GRK4: variants seen among roughly 807,000 people sequenced by gnomAD.
The protein encoded by GRK4 is G protein-coupled receptor kinase 2-like.
GRK4 carries 73 observed loss-of-function variants against 77.9 expected under a neutral mutation model. That is an observed-to-expected ratio of 0.94 (90% CI 0.78 to 1.14). GRK4 has a LOEUF of 1.14. Among genes scored for constraint, GRK4 ranks in the 50% most tolerant of loss-of-function variants. The probability of loss-of-function intolerance (pLI) is 0.00; values close to 1 mark genes in which losing one functional copy is unlikely to be tolerated. For synonymous variants in GRK4, 257 were observed against 254.4 expected, an observed-to-expected ratio of 1.01 and a Z score of -0.10; for missense variants, 729 against 700.2, an observed-to-expected ratio of 1.04 and a Z score of -0.46.
intron 1 of GRK4, among the ~76,000 whole-genome samples, chr4:2,976,740 G>A (rs1453449904): frequency 6.7e-6 from 1 of 149,932 alleles, no homozygotes; most frequent in Non-Finnish European, 1.5e-5. Context: ...TCCAGGTTCA[G>A]GTGATTCTCC....
chr4:2,973,909 C>T (rs1720346676), intron 1 of GRK4, among the ~76,000 whole-genome samples: 1 of 152,230 alleles, frequency 6.6e-6, no homozygotes, highest in African/African-American at 2.4e-5. Flanking sequence ...CTCATCCGCC[C>T]TCTCTCACTC....
chr4:3,002,830 A>G (rs1439013529), intron 4 of GRK4, among the ~76,000 whole-genome samples: 1 of 152,192 alleles, frequency 6.6e-6, no homozygotes, highest in Non-Finnish European at 1.5e-5. Flanking sequence ...CTCCAAAAAA[A>G]CCACAAAACT....
chr4:3,019,676 C>T lies in GRK4; in HGVS notation c.777C>T (p.Ala259=). Residue 259 remains alanine (A), a synonymous_variant, in exon 9 of 16, where the codon GCC becomes GCT. Transcript: ENST00000398052. ...SLAYAYETKD[A]LCLVLTIMNG... ...CCTACGCTTATGAAACCAAAGATGC[C>T]TTGTGCTTGGTGCTCACCATTATGA... 1 of 1,613,938 alleles carries T rather than the reference C, an allele frequency of 6.2e-7. No homozygotes were observed. Among genetic ancestry groups the T allele is most frequent in the African/African-American group, 1.3e-5 (1 of 75,020 alleles).
rs1717501158 is a variant in GRK4 at position 2,965,883 on chromosome 4, C to T, written c.52+1761C>T. On this transcript the variant is annotated intron_variant, in intron 1 of 15. Coordinates refer to ENST00000398052, the MANE Select transcript of GRK4 (RefSeq NM_182982.3). Reference sequence around the variant, plus strand: ...GCCTCTTATCCCTGACTGTGAACTCCAAATAGGTCATGGAAAATAATCATC... The same window carrying T: ...GCCTCTTATCCCTGACTGTGAACTCTAAATAGGTCATGGAAAATAATCATC... The T allele has an allele frequency of 2.5e-5, 5 of 202,096 alleles. No homozygotes were observed. The South Asian group carries it at 3.4e-4, about 14-fold the overall frequency. The allele number at this position is 202,096 out of a possible 1,614,324, so 12.5% of individuals were successfully genotyped here.
chr4:2,998,793 A>T (rs1434473739), intron 4 of GRK4, among the ~76,000 whole-genome samples: 1 of 152,126 alleles, frequency 6.6e-6, no homozygotes, highest in African/African-American at 2.4e-5. Context: ...CCCCAAATTG[A>T]TCTATAGATT....
rs1166370241 is a variant in GRK4, at chr4:2,984,515, G to A, written c.55G>A (p.Gly19Arg). 2.5e-6 allele frequency: 4 copies of A among 1,605,062 alleles called. No homozygotes were observed. Among genetic ancestry groups the A allele is most frequent in the Non-Finnish European group, 3.4e-6 (4 of 1,172,762 alleles). ...NSLLLKARQGGYGKKSGRSKK... is the reference protein window; with the variant it reads ...NSLLLKARQGRYGKKSGRSKK... The stretch of plus-strand genomic sequence containing the variant: ...TGCCTTTTTTCTCCCAAATTCAGGA[G>A]GATATGGCAAAAAAAGTGGTCGTAG... The change falls in exon 2 of 16, where the codon GGA (glycine) becomes AGA (arginine). Residue 19 changes from glycine (G) to arginine (R), a missense_variant and splice_region_variant. By Grantham distance (125) the Gly-to-Arg change is moderately radical (BLOSUM62 -2). Transcript: ENST00000398052.
chr4:3,040,025 T>A (rs2110110637), intron 15 of GRK4, among the ~76,000 whole-genome samples: 1 of 152,344 alleles, frequency 6.6e-6, no homozygotes, highest in Middle Eastern at 3.4e-3. Flanking sequence ...GTGACATTCA[T>A]GCCTCAGCCA....
At chr4:3,001,796 CTTATG>C (rs931125185) in intron 4 of GRK4, among the ~76,000 whole-genome samples, 2 of 152,180 alleles carry the variant, frequency 1.3e-5, no homozygotes, top group Non-Finnish European at 2.9e-5. Flanking sequence ...TATCTTTCAA[CTTATG>C]TTAGGAAATA....
chr4:3,011,262 A>G (rs971790184), intron 7 of GRK4, among the ~76,000 whole-genome samples: 1 of 152,118 alleles, frequency 6.6e-6, no homozygotes. Flanking sequence ...TATAATAGGG[A>G]CATGTTAGCA....
chr4:2,989,621 C>T (rs147728064), intron 3 of GRK4, among the ~76,000 whole-genome samples: 57 of 152,188 alleles, frequency 3.7e-4, no homozygotes, highest in Non-Finnish European at 5.9e-4. Context: ...AGTGCTTGTT[C>T]GGCTACCAGA....
intron 1 of GRK4, chr4:2,965,376 C>T (rs1397699043): frequency 1.3e-5 from 9 of 703,066 alleles, no homozygotes; most frequent in Non-Finnish European, 1.8e-5. Flanking sequence ...GGCGACAGAG[C>T]CTCGGACCTC....
intron 3 of GRK4, among the ~76,000 whole-genome samples, chr4:2,991,610 A>C (rs1726201100): frequency 6.6e-6 from 1 of 152,186 alleles, no homozygotes; most frequent in African/African-American, 2.4e-5. Flanking sequence ...TCCTGGGTCC[A>C]GGCAATTCTT....
At chr4:3,002,744 T>C (rs1300107530) in intron 4 of GRK4, among the ~76,000 whole-genome samples, 1 of 152,092 alleles carries the variant, frequency 6.6e-6, no homozygotes, top group East Asian at 1.9e-4. Flanking sequence ...CCATAGTCCC[T>C]GCTACTTGGG....
intron 6 of GRK4, 129 bp downstream of exon 6, chr4:3,007,957 C>A (rs1578210836): frequency 5.1e-6 from 3 of 583,884 alleles, no homozygotes; most frequent in Non-Finnish European, 6.0e-6. Context: ...ACGGGATGAT[C>A]AAGCCTGTGA....
In GRK4 at chr4:3,022,458, G is replaced by A. The variant is rs563049463; in HGVS notation, c.970+7G>A. On this transcript the variant is annotated splice_region_variant and intron_variant, in intron 10 of 15. Transcript: ENST00000398052. The stretch of plus-strand genomic sequence containing the variant: ...ATTCTCCTTGATGATCGTGGTAAGT[G>A]GGCAAGCCTTTCACATCTAATGGGT... The A allele has an allele frequency of 6.2e-7, 1 of 1,613,588 alleles. No homozygotes were observed. Among genetic ancestry groups the A allele is most frequent in the African/African-American group, 1.3e-5 (1 of 75,004 alleles).
chr4:3,006,066 G>A (rs1366087967), intron 5 of GRK4, among the ~76,000 whole-genome samples: 2 of 151,896 alleles, frequency 1.3e-5, no homozygotes, highest in Non-Finnish European at 2.9e-5. Context: ...TAGAGTAAAT[G>A]GATTAGAGTA....
intron 10 of GRK4, among the ~76,000 whole-genome samples, chr4:3,027,701 A>C (rs1392008757): frequency 6.6e-6 from 1 of 152,224 alleles, no homozygotes; most frequent in Non-Finnish European, 1.5e-5. Context: ...CCAGGCAAAA[A>C]TCGAATTTTC....
rs577746879 is a variant in GRK4, at chr4:3,015,624, A to G, written c.741+1796A>G. Among the ~76,000 whole-genome samples the G allele has an allele frequency of 2.6e-4, 39 of 151,500 alleles. 1 individual carries two copies. Among genetic ancestry groups the G allele is most frequent in the Admixed American group, 2.2e-3 (33 of 15,216 alleles). ...CCGGAGGCGGAGCTTGCAGTGAGCCAAGATCACGCCACTGCACTCCAGCCT... is the reference window on the plus strand; with the variant it reads ...CCGGAGGCGGAGCTTGCAGTGAGCCGAGATCACGCCACTGCACTCCAGCCT... On this transcript the variant is annotated intron_variant, in intron 8 of 15. Coordinates refer to ENST00000398052, the MANE Select transcript of GRK4 (RefSeq NM_182982.3).
intron 7 of GRK4, 107 bp from the exon 8 acceptor site, chr4:3,013,581 C>A: frequency 7.4e-7 from 1 of 1,347,062 alleles, no homozygotes; most frequent in Non-Finnish European, 1.0e-6. Flanking sequence ...TCATGCACTG[C>A]TGCTGGTCTC....
Sources: allele counts gnomAD v4.1 joint callset (sites outside exome capture counted in the v4.1 genomes callset), GRCh38; gene constraint gnomAD v4.1.1; transcripts MANE v1.5; gene names NCBI Gene and HGNC (gene_info 2026-07-23, HGNC 2026-07-21).